ADGRV1: variants seen among roughly 807,000 people sequenced by gnomAD.
ADGRV1 encodes the protein adhesion G protein-coupled receptor V1.
ADGRV1 carries 359 observed loss-of-function variants against 596.2 expected under a neutral mutation model. That is an observed-to-expected ratio of 0.60 (90% CI 0.55 to 0.66). The LOEUF (loss-of-function observed/expected upper bound fraction) is 0.66. ADGRV1 is among the 30% of genes least tolerant of loss of function. The pLI is 0.00. For missense variants in ADGRV1, 7,274 were observed against 7,575.6 expected, an observed-to-expected ratio of 0.96 and a Z score of 1.48; for synonymous variants, 2,681 against 2,679.2, an observed-to-expected ratio of 1.00 and a Z score of -0.02.
chr5:90,992,526 A>G lies in ADGRV1; in HGVS notation c.18152+7004A>G, dbSNP rs995316652. 6.8e-4 allele frequency among the ~76,000 whole-genome samples: 103 copies of G among 152,214 alleles called. 1 individual carries two copies. Among genetic ancestry groups the G allele is most frequent in the Non-Finnish European group, 4.4e-5 (3 of 68,028 alleles). On this transcript the variant is annotated intron_variant, in intron 85 of 89. Coordinates refer to ENST00000405460, the MANE Select transcript of ADGRV1 (RefSeq NM_032119.4). The stretch of plus-strand genomic sequence containing the variant: ...AGAACTTTATCAAGCTTTTCATCCA[A>G]TCTCCGTGTAGTTCTTGAGTAACCT...
Position 90,720,106 on chromosome 5 carries a change from G to A in ADGRV1, c.9506G>A (p.Cys3169Tyr). 1 of 1,613,638 alleles carries A rather than the reference G, an allele frequency of 6.2e-7. No homozygotes were observed. Among genetic ancestry groups the A allele is most frequent in the South Asian group, 1.1e-5 (1 of 91,056 alleles). Residue 3169 changes from cysteine to tyrosine, a missense_variant, in exon 44 of 90, where the codon TGC becomes TAC. Physicochemically the swap from Cys to Tyr is radical, Grantham distance 194. This residue lies in a region of ADGRV1 where 3,643 missense variants were observed against 3,809.2 expected (regional missense o/e 0.96). Coordinates refer to ENST00000405460, the MANE Select transcript of ADGRV1 (RefSeq NM_032119.4). Reference sequence around the variant, plus strand: ...CCAGAAATGGATGAGTATTTTGTTTGCACCTTGTTTAATCCAACTGGAGGT... The same window carrying A: ...CCAGAAATGGATGAGTATTTTGTTTACACCTTGTTTAATCCAACTGGAGGT... ...TEPEMDEYFV[C>Y]TLFNPTGGAR... is the part of the protein sequence containing the mutation.
intron 83 of ADGRV1, among the ~76,000 whole-genome samples, chr5:90,909,537 C>G (rs1029581687): frequency 6.6e-6 from 1 of 151,888 alleles, no homozygotes; most frequent in African/African-American, 2.4e-5. Context: ...TCTTGCCCAG[C>G]TTCTTGTTCT....
At chr5:90,583,530 T>A (rs921026366) in intron 1 of ADGRV1, among the ~76,000 whole-genome samples, 6 of 152,138 alleles carry the variant, frequency 3.9e-5, no homozygotes, top group African/African-American at 1.4e-4. Flanking sequence ...TACCAAAAAC[T>A]TTTCCCTCCC....
intron 82 of ADGRV1, among the ~76,000 whole-genome samples, 195 bp downstream of exon 82, chr5:90,856,096 ATACAG>A (rs1254272573): frequency 6.6e-6 from 1 of 152,164 alleles, no homozygotes; most frequent in Non-Finnish European, 1.5e-5. Flanking sequence ...TGTACTGAGG[ATACAG>A]TAAAGAATGA....
At chr5:91,135,849 T>C (rs899044653) in intron 87 of ADGRV1, among the ~76,000 whole-genome samples, 1 of 152,190 alleles carries the variant, frequency 6.6e-6, no homozygotes, top group Non-Finnish European at 1.5e-5. Flanking sequence ...GGGTATAGTA[T>C]TGGGTTACCT....
intron 79 of ADGRV1, among the ~76,000 whole-genome samples, chr5:90,852,907 A>C (rs1484381131): frequency 1.3e-5 from 2 of 152,222 alleles, no homozygotes; most frequent in East Asian, 3.9e-4. Context: ...GCTTTAGCTC[A>C]GTGGGGGGAC....
At chr5:90,980,707 C>A (rs904446211) in intron 84 of ADGRV1, among the ~76,000 whole-genome samples, 2 of 152,112 alleles carry the variant, frequency 1.3e-5, no homozygotes, top group African/African-American at 4.8e-5. Flanking sequence ...TGAGCGACAC[C>A]CTTTGACTTG....
chr5:90,754,151 T>C (rs1272917674), intron 54 of ADGRV1, among the ~76,000 whole-genome samples: 2 of 152,208 alleles, frequency 1.3e-5, no homozygotes, highest in Admixed American at 1.3e-4. Flanking sequence ...TTCACTCAGC[T>C]ATATTTTCTA....
At chr5:90,716,132 A>G (rs7703588) in intron 42 of ADGRV1, among the ~76,000 whole-genome samples, 110,843 of 152,058 alleles carry the variant, frequency 0.73, 41,229 homozygotes, top group African/African-American at 0.87. Context: ...TTAAATAGTA[A>G]CAATTATGAC....
chr5:90,863,782 T>C lies in ADGRV1; in HGVS notation c.17781T>C (p.His5927=). Residue 5927 remains histidine (H), a synonymous_variant, in exon 83 of 90, where the codon CAT becomes CAC. Coordinates refer to ENST00000405460, the MANE Select transcript of ADGRV1 (RefSeq NM_032119.4). ...GTCTTTGCTTGGCTGTTCTTTCCCA[T>C]ATCTTCTGTGCCAGGTACTCCATGT... ...ISGLCLAVLS[H]IFCARYSMFA... is the part of the protein sequence containing the mutation. The C allele has an allele frequency of 6.2e-7, 1 of 1,613,480 alleles. No individual in the cohort carries two copies. Among genetic ancestry groups the C allele is most frequent in the Non-Finnish European group, 8.5e-7 (1 of 1,179,482 alleles).
chr5:90,986,188 G>T (rs1401207883), intron 85 of ADGRV1, among the ~76,000 whole-genome samples: 1 of 149,694 alleles, frequency 6.7e-6, no homozygotes, highest in East Asian at 2.0e-4. Context: ...CCTCTTAATA[G>T]CTCCACATGT....
At chr5:90,863,221 G>T (rs1202545720) in intron 82 of ADGRV1, among the ~76,000 whole-genome samples, 1 of 152,142 alleles carries the variant, frequency 6.6e-6, no homozygotes, top group East Asian at 1.9e-4. Context: ...CAAGATAAAA[G>T]ATTTGTTGGA....
intron 83 of ADGRV1, among the ~76,000 whole-genome samples, chr5:90,960,120 C>T (rs1777873794): frequency 7.1e-6 from 1 of 140,246 alleles, no homozygotes. Flanking sequence ...GCCTGGGTGA[C>T]AGACCGAGAC....
chr5:91,009,463 G>T (rs773356017), intron 85 of ADGRV1, among the ~76,000 whole-genome samples: 2 of 151,966 alleles, frequency 1.3e-5, no homozygotes, highest in South Asian at 4.1e-4. Context: ...ACTGTTATCC[G>T]TCCCATGAGA....
At chr5:90,565,159 C>T (rs959320033) in intron 1 of ADGRV1, among the ~76,000 whole-genome samples, 1 of 152,114 alleles carries the variant, frequency 6.6e-6, no homozygotes, top group African/African-American at 2.4e-5. Context: ...ATCGTTTGAA[C>T]GCGGGAGACA....
chr5:90,683,599 A>G lies in ADGRV1; in HGVS notation c.5678A>G (p.His1893Arg). The stretch of plus-strand genomic sequence containing the variant: ...AGTATTTTGTAGGTTATAAGACATC[A>G]TGGAACTCTGTCTCCAGTGACTTTG... ...STVTLNVIRHHGTLSPVTLHW... is the reference protein window; with the variant it reads ...STVTLNVIRHRGTLSPVTLHW... Residue 1893 changes from histidine (H) to arginine (R), a missense_variant, in exon 28 of 90, where the codon CAT becomes CGT. Transcript: ENST00000405460. The G allele has an allele frequency of 6.2e-7, 1 of 1,600,006 alleles. No homozygotes were observed. Among genetic ancestry groups the G allele is most frequent in the Non-Finnish European group, 8.6e-7 (1 of 1,169,022 alleles).
chr5:90,719,897 A>G (rs972289979), intron 43 of ADGRV1, 151 bp from the exon 44 acceptor site: 3 of 604,110 alleles, frequency 5.0e-6, no homozygotes, highest in Non-Finnish European at 8.6e-6. Context: ...AGATGTAACC[A>G]TCACATTATA....
At chr5:90,728,586 A>T in intron 48 of ADGRV1, 83 bp from the exon 49 acceptor site, 1 of 1,105,694 alleles carries the variant, frequency 9.0e-7, no homozygotes, top group Non-Finnish European at 1.3e-6. Flanking sequence ...GATCCAAGAG[A>T]GTAAACATAT....
intron 11 of ADGRV1, among the ~76,000 whole-genome samples, chr5:90,642,038 A>G (rs1767032746): frequency 6.6e-6 from 1 of 152,192 alleles, no homozygotes; most frequent in South Asian, 2.1e-4. Flanking sequence ...AAAAGACAAA[A>G]AAGCACAGGT....
Sources: allele counts gnomAD v4.1 joint callset (sites outside exome capture counted in the v4.1 genomes callset), GRCh38; gene constraint gnomAD v4.1.1; regional missense constraint gnomAD v4.1.1; transcripts MANE v1.5; gene names NCBI Gene and HGNC (gene_info 2026-07-23, HGNC 2026-07-21).